Variants in ENTREP2 observed in about 807,000 individuals in gnomAD.
ENTREP2 encodes the protein protein ENTREP2.
the ENTREP2 span, among the ~76,000 whole-genome samples, chr15:29,260,415 G>A: frequency 2.0e-5 from 3 of 152,142 alleles, no homozygotes; most frequent in African/African-American, 7.2e-5. Flanking sequence ...AAGAAAACTG[G>A]AAGGAAACAA....
chr15:29,419,607 T>A, the ENTREP2 span, among the ~76,000 whole-genome samples: 168 of 152,222 alleles, frequency 1.1e-3, 1 homozygote, highest in African/African-American at 3.8e-3. Flanking sequence ...CTCAAATCGT[T>A]CAGTAAGCGC....
At chr15:29,377,567 T>C in the ENTREP2 span, among the ~76,000 whole-genome samples, 1 of 152,036 alleles carries the variant, frequency 6.6e-6, no homozygotes, top group Admixed American at 6.6e-5. Flanking sequence ...CTTACACCTG[T>C]AATTCCAGCA....
the ENTREP2 span, among the ~76,000 whole-genome samples, chr15:29,579,676 C>A: frequency 2.1e-5 from 3 of 140,542 alleles, no homozygotes; most frequent in Non-Finnish European, 4.5e-5. Flanking sequence ...CCTGCCACCA[C>A]ACCCAGCTAA....
At chr15:29,351,772 T>A in the ENTREP2 span, among the ~76,000 whole-genome samples, 1 of 152,082 alleles carries the variant, frequency 6.6e-6, no homozygotes, top group African/African-American at 2.4e-5. Context: ...GCCTCCCAAG[T>A]TGCTGGCACT....
chr15:29,445,264 T>C, the ENTREP2 span, among the ~76,000 whole-genome samples: 1 of 152,156 alleles, frequency 6.6e-6, no homozygotes, highest in Non-Finnish European at 1.5e-5. Context: ...TCCTAACACT[T>C]GGAATCTCCA....
chr15:29,200,544 T>C, the ENTREP2 span, among the ~76,000 whole-genome samples: 28 of 152,112 alleles, frequency 1.8e-4, no homozygotes, highest in African/African-American at 6.5e-4. Context: ...TTGATAGGGA[T>C]TGAATCAAAC....
chr15:29,358,861 CTTATT>C, the ENTREP2 span, among the ~76,000 whole-genome samples: 4 of 152,040 alleles, frequency 2.6e-5, no homozygotes, highest in Non-Finnish European at 5.9e-5. Flanking sequence ...AACTCAATCC[CTTATT>C]TTAAACAATT....
the ENTREP2 span, among the ~76,000 whole-genome samples, chr15:29,233,021 C>CAGA: frequency 6.6e-6 from 1 of 152,182 alleles, no homozygotes; most frequent in Non-Finnish European, 1.5e-5. Context: ...CCCTTCATGT[C>CAGA]AGAATGTCTT....
the ENTREP2 span, among the ~76,000 whole-genome samples, chr15:29,412,499 A>G: frequency 6.6e-6 from 1 of 152,098 alleles, no homozygotes; most frequent in Non-Finnish European, 1.5e-5. Context: ...AATACTTTCA[A>G]TGTTTCCTCA....
chr15:29,232,797 A>G, the ENTREP2 span, among the ~76,000 whole-genome samples: 1 of 152,216 alleles, frequency 6.6e-6, no homozygotes, highest in African/African-American at 2.4e-5. Flanking sequence ...GCGGTGTGCC[A>G]CCACGTCCAG....
At chr15:29,452,072 T>C in the ENTREP2 span, among the ~76,000 whole-genome samples, 3 of 152,250 alleles carry the variant, frequency 2.0e-5, no homozygotes, top group Admixed American at 1.3e-4. Flanking sequence ...GCATGTTTTC[T>C]AAGCCACATT....
chr15:29,253,971 C>G, the ENTREP2 span, among the ~76,000 whole-genome samples: 1 of 151,850 alleles, frequency 6.6e-6, no homozygotes, highest in African/African-American at 2.4e-5. Flanking sequence ...ATTTTCCAGG[C>G]TTTAAAATAA....
chr15:29,243,043 TCA>T, the ENTREP2 span, among the ~76,000 whole-genome samples: 1 of 152,198 alleles, frequency 6.6e-6, no homozygotes, highest in African/African-American at 2.4e-5. Flanking sequence ...AAGCAGGCAC[TCA>T]CACGCCACGG....
At chr15:29,557,916 C>A in the ENTREP2 span, among the ~76,000 whole-genome samples, 1 of 152,194 alleles carries the variant, frequency 6.6e-6, no homozygotes, top group Non-Finnish European at 1.5e-5. Flanking sequence ...CTATCAGATA[C>A]CTGGATAACT....
At chr15:29,648,398 C>A in the ENTREP2 span, among the ~76,000 whole-genome samples, 1 of 152,204 alleles carries the variant, frequency 6.6e-6, no homozygotes, top group Non-Finnish European at 1.5e-5. Context: ...GCTCTGCAAG[C>A]CCATTAGCTC....
At chr15:29,208,022 C>A in the ENTREP2 span, among the ~76,000 whole-genome samples, 665 of 152,268 alleles carry the variant, frequency 4.4e-3, 2 homozygotes, top group African/African-American at 0.015. Flanking sequence ...AGCCTGTAGC[C>A]CCCCTGTCCC....
the ENTREP2 span, among the ~76,000 whole-genome samples, chr15:29,647,767 G>A: frequency 6.6e-6 from 1 of 152,070 alleles, no homozygotes; most frequent in Non-Finnish European, 1.5e-5. Context: ...AAACCCTCCA[G>A]AGGACTCAAT....
At chr15:29,669,753 C>T in the ENTREP2 span, among the ~76,000 whole-genome samples, 19 of 152,244 alleles carry the variant, frequency 1.2e-4, no homozygotes, top group African/African-American at 4.6e-4. Flanking sequence ...TTAAAAGGAA[C>T]CTGGAGAGAG....
At chr15:29,206,495 A>G in the ENTREP2 span, among the ~76,000 whole-genome samples, 1 of 152,192 alleles carries the variant, frequency 6.6e-6, no homozygotes, top group Non-Finnish European at 1.5e-5. Context: ...TCACAGTGCA[A>G]CATGGGTGGA....
Sources: allele counts gnomAD v4.1 joint callset (sites outside exome capture counted in the v4.1 genomes callset), GRCh38; gene constraint gnomAD v4.1.1; transcripts MANE v1.5; gene names NCBI Gene and HGNC (gene_info 2026-07-23, HGNC 2026-07-21).